MAGI2: variants seen among roughly 807,000 people sequenced by gnomAD.
MAGI2 encodes membrane-associated guanylate kinase, WW and PDZ domain-containing protein 2.
In MAGI2, 35 loss-of-function variants were observed where a neutral mutation model predicts 133.3. That is an observed-to-expected ratio of 0.26 (90% CI 0.20 to 0.35). The LOEUF (loss-of-function observed/expected upper bound fraction) is 0.35. Ranked by LOEUF, MAGI2 falls within the 10% of genes least tolerant of loss-of-function variation. The probability of loss-of-function intolerance (pLI) is 1.00; values close to 1 mark genes in which losing one functional copy is unlikely to be tolerated. For missense variants in MAGI2, 1,636 were observed against 1,863.4 expected, an observed-to-expected ratio of 0.88 and a Z score of 2.25; for synonymous variants, 729 against 710.6, an observed-to-expected ratio of 1.03 and a Z score of -0.41.
chr7:79,436,704 TG>T (rs1848169022), intron 1 of MAGI2, among the ~76,000 whole-genome samples: 1 of 152,174 alleles, frequency 6.6e-6, no homozygotes, highest in Non-Finnish European at 1.5e-5. Flanking sequence ...TAACAGATGC[TG>T]GCAAGGTTGT....
intron 6 of MAGI2, among the ~76,000 whole-genome samples, chr7:78,461,393 C>CGTGTGTGTGTGTGTGT (rs10654835): frequency 0.013 from 1,831 of 138,092 alleles, 19 homozygotes; most frequent in Non-Finnish European, 0.017. Context: ...CGTGTGTGTG[C>CGTGTGTGTGTGTGTGT]GTGTGTGTGT....
chr7:79,382,184 T>A (rs910223811), intron 1 of MAGI2, among the ~76,000 whole-genome samples: 3 of 151,660 alleles, frequency 2.0e-5, no homozygotes, highest in African/African-American at 7.3e-5. Flanking sequence ...TAGACAGGGA[T>A]CTCACTGTCT....
intron 2 of MAGI2, among the ~76,000 whole-genome samples, chr7:78,648,432 G>T (rs1160643500): frequency 6.6e-6 from 1 of 152,188 alleles, no homozygotes; most frequent in Non-Finnish European, 1.5e-5. Context: ...TGCTTCCAAA[G>T]ATACAACAGC....
At chr7:78,733,661 G>T (rs1821580801) in intron 2 of MAGI2, among the ~76,000 whole-genome samples, 1 of 152,064 alleles carries the variant, frequency 6.6e-6, no homozygotes, top group Admixed American at 6.6e-5. Context: ...TCTAGTAAGG[G>T]TTTTGTCCAA....
chr7:78,070,430 GTA>G (rs1432873012), intron 21 of MAGI2, among the ~76,000 whole-genome samples: 17 of 146,518 alleles, frequency 1.2e-4, no homozygotes, highest in African/African-American at 3.3e-4. Flanking sequence ...ATATATATGT[GTA>G]TATATATATG....
intron 2 of MAGI2, among the ~76,000 whole-genome samples, chr7:78,749,773 G>A (rs978278001): frequency 6.6e-6 from 1 of 152,154 alleles, no homozygotes; most frequent in African/African-American, 2.4e-5. Context: ...CTGGCAGATA[G>A]TTTAAAGGGA....
At chr7:78,991,562 C>T (rs896440521) in intron 2 of MAGI2, among the ~76,000 whole-genome samples, 3 of 150,394 alleles carry the variant, frequency 2.0e-5, no homozygotes, top group African/African-American at 4.9e-5. Context: ...TCCTGGGATA[C>T]GTACTTAATT....
chr7:78,105,656 T>A (rs893721584), intron 20 of MAGI2, among the ~76,000 whole-genome samples: 42 of 152,330 alleles, frequency 2.8e-4, no homozygotes, highest in Middle Eastern at 3.4e-3. Flanking sequence ...TCTTCTGTGA[T>A]ATGCGTGTTG....
At chr7:79,158,842 A>G (rs1024981948) in intron 1 of MAGI2, among the ~76,000 whole-genome samples, 1 of 152,074 alleles carries the variant, frequency 6.6e-6, no homozygotes, top group Admixed American at 6.6e-5. Context: ...ATAATTTAGA[A>G]TCTAATTTTA....
At chr7:79,103,966 G>T (rs1301812044) in intron 1 of MAGI2, among the ~76,000 whole-genome samples, 2 of 152,140 alleles carry the variant, frequency 1.3e-5, no homozygotes, top group Admixed American at 1.3e-4. Context: ...CTCCTAAGGT[G>T]CTGGGATTAC....
In MAGI2 at chr7:79,453,623, C is replaced by T. The variant is rs1186365447; in HGVS notation, c.-303G>A. On this transcript the variant is annotated 5_prime_UTR_variant, in exon 1 of 22. Coordinates refer to ENST00000354212, the MANE Select transcript of MAGI2 (RefSeq NM_012301.4). The stretch of plus-strand genomic sequence containing the variant: ...GTGGTGGTGGCGTCGGCGGCGGCGG[C>T]GGCGGCAGCCGGAGCGAGCAGTAGC... 7.4e-5 allele frequency: 63 copies of T among 855,588 alleles called. No homozygotes were observed. The highest frequency in any genetic ancestry group is 8.3e-5 in the Non-Finnish European group (60 of 719,776). The allele number at this position is 855,588 out of a possible 1,614,324, so 53.0% of individuals were successfully genotyped here. A position where few individuals can be genotyped will look rare whatever the true frequency, so the allele number is the denominator to read the frequency against.
At chr7:79,407,807 A>C (rs1449803249) in intron 1 of MAGI2, among the ~76,000 whole-genome samples, 2 of 152,142 alleles carry the variant, frequency 1.3e-5, no homozygotes, top group African/African-American at 4.8e-5. Context: ...GTTTTGAAAA[A>C]AAAAACATTT....
At chr7:78,527,510 T>C (rs945864454) in intron 3 of MAGI2, among the ~76,000 whole-genome samples, 2 of 152,242 alleles carry the variant, frequency 1.3e-5, no homozygotes, top group African/African-American at 2.4e-5. Flanking sequence ...AACTGTTTCC[T>C]TTTTTGTACC....
chr7:78,111,619 G>A (rs1326820903), intron 20 of MAGI2, among the ~76,000 whole-genome samples: 3 of 152,206 alleles, frequency 2.0e-5, no homozygotes, highest in African/African-American at 4.8e-5. Context: ...CAAGCAGCTC[G>A]TGTAACTCAT....
intron 16 of MAGI2, among the ~76,000 whole-genome samples, chr7:78,136,415 C>T (rs535327549): frequency 9.9e-4 from 150 of 152,230 alleles, no homozygotes; most frequent in African/African-American, 3.3e-3. Context: ...CCACCATGCT[C>T]GGCCTATTTT....
chr7:79,251,718 G>A (rs1372144997), intron 1 of MAGI2, among the ~76,000 whole-genome samples: 1 of 152,164 alleles, frequency 6.6e-6, no homozygotes, highest in African/African-American at 2.4e-5. Flanking sequence ...ATATGTTCCA[G>A]CAATACCACT....
At chr7:78,301,090 C>T (rs10282221) in intron 9 of MAGI2, among the ~76,000 whole-genome samples, 1,897 of 152,164 alleles carry the variant, frequency 0.012, 39 homozygotes, top group African/African-American at 0.043. Flanking sequence ...AGGGGTCAAA[C>T]CCAATCACTG....
chr7:79,303,448 T>C (rs1042665904), intron 1 of MAGI2, among the ~76,000 whole-genome samples: 2 of 152,246 alleles, frequency 1.3e-5, no homozygotes, highest in Non-Finnish European at 2.9e-5. Context: ...TAGTTTATTA[T>C]AGGCTTCTTT....
Position 79,230,869 on chromosome 7 carries a change from T to C in MAGI2, c.301+222151A>G, listed in dbSNP as rs1376017882. 2.1e-5 allele frequency among the ~76,000 whole-genome samples: 3 copies of C among 144,078 alleles called. No individual in the cohort carries two copies. In the Admixed American group the frequency reaches 2.1e-4, roughly 10 times the overall value. 94.5% of individuals were successfully genotyped at this position (144,078 alleles called of 152,430 possible). ...GTTTTGGACATGAAGTCCTTGCCCA[T>C]GCCTATGTCCTGAATGGTAATGCCT... is the stretch of plus-strand genomic sequence containing the variant. On this transcript the variant is annotated intron_variant, in intron 1 of 21. Transcript: ENST00000354212.
Sources: allele counts gnomAD v4.1 joint callset (sites outside exome capture counted in the v4.1 genomes callset), GRCh38; gene constraint gnomAD v4.1.1; transcripts MANE v1.5; gene names NCBI Gene and HGNC (gene_info 2026-07-23, HGNC 2026-07-21).